Variants in CPNE2 observed in about 807,000 individuals in gnomAD.
CPNE2 encodes copine 2.
Under a neutral mutation model 69.7 loss-of-function variants are expected in CPNE2, and 42 were observed. The ratio of observed to expected loss-of-function variants is 0.60; its 90% CI spans 0.47 to 0.78. The LOEUF (loss-of-function observed/expected upper bound fraction) is 0.78, where lower values mean the gene tolerates loss of function less well. Among genes scored for constraint, CPNE2 ranks in the 30% least tolerant of loss-of-function variants. The pLI is 0.00. For missense variants in CPNE2, 587 were observed against 732.0 expected, an observed-to-expected ratio of 0.80 and a Z score of 2.29; for synonymous variants, 294 against 289.8, an observed-to-expected ratio of 1.01 and a Z score of -0.15.
At chr16:57,119,117 G>GC (rs2069741893) in intron 5 of CPNE2, 78 bp from the exon 6 acceptor site, 7 of 1,274,092 alleles carry the variant, frequency 5.5e-6, no homozygotes, top group Non-Finnish European at 6.8e-6. Context: ...GGCTGGGGAG[G>GC]CAGCAGGGCC....
At chr16:57,145,245 C>T (rs1171202579) in intron 14 of CPNE2, among the ~76,000 whole-genome samples, 4 of 152,198 alleles carry the variant, frequency 2.6e-5, no homozygotes, top group Non-Finnish European at 5.9e-5. Flanking sequence ...AAGCTCTGGG[C>T]TTCCTGCCTT....
chr16:57,095,113 C>G (rs1328667954), intron 1 of CPNE2, among the ~76,000 whole-genome samples: 1 of 152,222 alleles, frequency 6.6e-6, no homozygotes, highest in Non-Finnish European at 1.5e-5. Flanking sequence ...GGACCCAGCT[C>G]CTTCCCCCTT....
At position 57,125,866 on chromosome 16, in the gene CPNE2, A is replaced by G; in HGVS notation, c.934A>G (p.Ile312Val). Residue 312 changes from isoleucine (I) to valine (V), a missense_variant, in exon 11 of 16, where the codon ATA becomes GTA. By Grantham distance (29) the Ile-to-Val change is conservative (BLOSUM62 3). Transcript: ENST00000290776. ...CTTTTTCTCCACTCTGCAGGTTGGA[A>G]TAGACTTTACAGCCTCCAACGGGAA... ...GGCQLMFTVG[I>V]DFTASNGNPL... 6.2e-7 allele frequency: 1 copy of G among 1,614,146 alleles called. No homozygotes were observed. The highest frequency in any genetic ancestry group is 1.1e-5 in the South Asian group (1 of 91,078).
chr16:57,095,279 G>C (rs2069571343), intron 1 of CPNE2, among the ~76,000 whole-genome samples: 1 of 152,164 alleles, frequency 6.6e-6, no homozygotes, highest in Non-Finnish European at 1.5e-5. Flanking sequence ...CCACCTCCCT[G>C]TCCAGAAGGG....
At chr16:57,139,271 G>A (rs2052206241) in intron 14 of CPNE2, among the ~76,000 whole-genome samples, 2 of 152,094 alleles carry the variant, frequency 1.3e-5, no homozygotes, top group African/African-American at 4.8e-5. Context: ...TTCTGTTCCT[G>A]GGTGCAATGG....
At chr16:57,139,457 A>G (rs1200760888) in intron 14 of CPNE2, among the ~76,000 whole-genome samples, 4 of 152,178 alleles carry the variant, frequency 2.6e-5, no homozygotes, top group Non-Finnish European at 5.9e-5. Context: ...GTAATTTCCA[A>G]TCTGTAGCTG....
chr16:57,141,593 A>G lies in CPNE2; in HGVS notation c.1302+4311A>G, dbSNP rs538412658. On this transcript the variant is annotated intron_variant, in intron 14 of 15. Coordinates refer to ENST00000290776, the MANE Select transcript of CPNE2 (RefSeq NM_152727.6). ...TATCCCCTTGGCCTCAGGGTACACC[A>G]GTGGAGGGGAGGTGGGGCTGCCTGG... is the stretch of plus-strand genomic sequence containing the variant. 2.0e-5 allele frequency: 3 copies of G among 152,332 alleles called. No individual in the cohort carries two copies. The South Asian group carries it at 6.2e-4, about 32-fold the overall frequency. The allele number at this position is 152,332 out of a possible 1,614,324, so 9.4% of individuals were successfully genotyped here.
intron 2 of CPNE2, among the ~76,000 whole-genome samples, chr16:57,112,496 C>T (rs2069688013): frequency 6.6e-6 from 1 of 152,166 alleles, no homozygotes; most frequent in Non-Finnish European, 1.5e-5. Flanking sequence ...CCTCCTCCGT[C>T]CCTGCTGCTC....
intron 4 of CPNE2, among the ~76,000 whole-genome samples, 175 bp from the exon 5 acceptor site, chr16:57,117,321 C>T (rs113263942): frequency 6.6e-6 from 1 of 152,158 alleles, no homozygotes; most frequent in Admixed American, 6.5e-5. Context: ...TCCGCATTTT[C>T]CAGAAGATGG....
chr16:57,135,621 A>T (rs2069873431), intron 13 of CPNE2, among the ~76,000 whole-genome samples: 1 of 151,226 alleles, frequency 6.6e-6, no homozygotes, highest in Admixed American at 6.6e-5. Context: ...TCACACCTTT[A>T]ATCCCAGCAC....
intron 14 of CPNE2, among the ~76,000 whole-genome samples, chr16:57,145,116 C>G (rs549019678): frequency 1.3e-5 from 2 of 152,210 alleles, no homozygotes; most frequent in Non-Finnish European, 2.9e-5. Context: ...TAAAGAAACT[C>G]TATATCCCAT....
At position 57,110,704 on chromosome 16, in the gene CPNE2, C is replaced by G. The variant is rs2069675211; in HGVS notation, c.-35-4C>G. On this transcript the variant is annotated splice_polypyrimidine_tract_variant and splice_region_variant and intron_variant, in intron 1 of 15. Coordinates refer to ENST00000290776, the MANE Select transcript of CPNE2 (RefSeq NM_152727.6). ...CTCTCTGACCCTCACTTCTGTTCCC[C>G]TAGACTGCCAGGAACTCCTGCCACC... The G allele has an allele frequency of 6.4e-7, 1 of 1,552,038 alleles. No individual in the cohort carries two copies. Among genetic ancestry groups the G allele is most frequent in the Non-Finnish European group, 8.7e-7 (1 of 1,147,110 alleles).
chr16:57,108,110 T>G lies in CPNE2; in HGVS notation c.-35-2598T>G, dbSNP rs181195927. Among the ~76,000 whole-genome samples, 119 of 152,266 alleles carry G rather than the reference T, an allele frequency of 7.8e-4. 1 individual carries two copies. The highest frequency in any genetic ancestry group is 2.8e-3 in the African/African-American group (116 of 41,546). On this transcript the variant is annotated intron_variant, in intron 1 of 15. Transcript: ENST00000290776. Reference sequence around the variant, plus strand: ...GTCTTGAACTCCTGACTTCAAGTGATCCACCTGCCTGGGCCTCCCAAAGTG... The same window carrying G: ...GTCTTGAACTCCTGACTTCAAGTGAGCCACCTGCCTGGGCCTCCCAAAGTG...
chr16:57,146,061 G>A lies in CPNE2; in HGVS notation c.1303-24G>A. 1 of 1,586,956 alleles carries A rather than the reference G, an allele frequency of 6.3e-7. No homozygotes were observed. The highest frequency in any genetic ancestry group is 8.6e-7 in the Non-Finnish European group (1 of 1,162,134). On this transcript the variant is annotated intron_variant, in intron 14 of 15. Transcript: ENST00000290776. This position sits in a 1 kb window ranked among gnomAD's most constrained non-coding sequence, Gnocchi z 4.4. ...TGCCAGAGCCTCGACCTTGCTGAGTGCCCCGTTGGCCCCCTCCCTGCAGCA... is the reference window on the plus strand; with the variant it reads ...TGCCAGAGCCTCGACCTTGCTGAGTACCCCGTTGGCCCCCTCCCTGCAGCA...
At chr16:57,103,550 G>A (rs1253751221) in intron 1 of CPNE2, among the ~76,000 whole-genome samples, 1 of 152,208 alleles carries the variant, frequency 6.6e-6, no homozygotes, top group Non-Finnish European at 1.5e-5. Flanking sequence ...CCTCTGGAAT[G>A]GGGGCTGCCT....
chr16:57,125,857 C>A lies in CPNE2; in HGVS notation c.928-3C>A. ...CTGGGTGGCCTTTTTCTCCACTCTG[C>A]AGGTTGGAATAGACTTTACAGCCTC... On this transcript the variant is annotated splice_region_variant and splice_polypyrimidine_tract_variant and intron_variant, in intron 10 of 15. Coordinates refer to ENST00000290776, the MANE Select transcript of CPNE2 (RefSeq NM_152727.6). 2 of 1,614,080 alleles carry A rather than the reference C, an allele frequency of 1.2e-6. No homozygotes were observed. The highest frequency in any genetic ancestry group is 1.7e-6 in the Non-Finnish European group (2 of 1,179,972).
At chr16:57,140,039 G>A (rs2069910243) in intron 14 of CPNE2, among the ~76,000 whole-genome samples, 1 of 152,118 alleles carries the variant, frequency 6.6e-6, no homozygotes, top group South Asian at 2.1e-4. Flanking sequence ...GGAAGCGCAG[G>A]GCGTGGAGGC....
chr16:57,145,585 G>A, intron 14 of CPNE2: 2 of 184,606 alleles, frequency 1.1e-5, no homozygotes, highest in Admixed American at 5.4e-5. Flanking sequence ...AGCAGAGAGG[G>A]GGAGACCGGT....
intron 3 of CPNE2, 27 bp downstream of exon 3, chr16:57,113,494 C>T: frequency 6.2e-7 from 1 of 1,603,938 alleles, no homozygotes; most frequent in Non-Finnish European, 8.5e-7. Flanking sequence ...TGGGTGGGAG[C>T]AGGGGCCCAA....
Sources: gnomAD v4.1 joint callset for allele counts (sites outside exome capture counted in the v4.1 genomes callset) on GRCh38, gnomAD v4.1.1 for gene constraint, Gnocchi (gnomAD v3.1) non-coding constraint, MANE v1.5 for transcripts, NCBI Gene and HGNC (gene_info 2026-07-23, HGNC 2026-07-21) for gene names.